ROBO1: variants seen among roughly 807,000 people sequenced by gnomAD.
ROBO1 encodes roundabout homolog 1.
In ROBO1, 149 loss-of-function variants were observed where a neutral mutation model predicts 195.9. The observed-to-expected ratio is 0.76, with a 90% CI of 0.67 to 0.87. The LOEUF is 0.87. Ranked by LOEUF, ROBO1 falls within the 40% of genes least tolerant of loss-of-function variation. The pLI is 0.00. For missense variants in ROBO1, 1,933 were observed against 2,068.3 expected, an observed-to-expected ratio of 0.93 and a Z score of 1.27; for synonymous variants, 816 against 733.2, an observed-to-expected ratio of 1.11 and a Z score of -1.82.
intron 28 of ROBO1, among the ~76,000 whole-genome samples, chr3:78,610,344 G>A (rs1175848332): frequency 6.6e-6 from 1 of 152,140 alleles, no homozygotes; most frequent in Non-Finnish European, 1.5e-5. Context: ...AAAAGAGAGA[G>A]TTAGAAAACA....
chr3:79,037,561 C>T (rs1021482750), intron 3 of ROBO1, among the ~76,000 whole-genome samples: 11 of 152,102 alleles, frequency 7.2e-5, no homozygotes, highest in African/African-American at 2.6e-4. Flanking sequence ...GCAGAATTTC[C>T]ATATATTACT....
intron 3 of ROBO1, among the ~76,000 whole-genome samples, chr3:79,025,606 T>G (rs1268375534): frequency 6.6e-6 from 1 of 150,426 alleles, no homozygotes; most frequent in Non-Finnish European, 1.5e-5. Flanking sequence ...GTTTATTTTC[T>G]CTAATATATA....
chr3:79,571,234 C>G (rs759772466), intron 2 of ROBO1, among the ~76,000 whole-genome samples: 38 of 152,056 alleles, frequency 2.5e-4, no homozygotes, highest in Non-Finnish European at 4.9e-4. Flanking sequence ...AAAAGTAATT[C>G]CAAGGTAAAA....
chr3:79,354,774 A>T (rs1440178133), intron 2 of ROBO1, among the ~76,000 whole-genome samples: 1 of 152,166 alleles, frequency 6.6e-6, no homozygotes. Flanking sequence ...AAATTTAATC[A>T]TGTTCCTCCT....
intron 20 of ROBO1, among the ~76,000 whole-genome samples, chr3:78,646,532 C>T (rs954833058): frequency 2.0e-5 from 3 of 150,590 alleles, no homozygotes; most frequent in Admixed American, 6.6e-5. Context: ...ATTAGCATTC[C>T]GATGGATTTC....
intron 2 of ROBO1, among the ~76,000 whole-genome samples, chr3:79,516,873 A>T (rs1340961458): frequency 6.6e-6 from 1 of 152,202 alleles, no homozygotes; most frequent in East Asian, 1.9e-4. Context: ...TGCATTTTTT[A>T]CAAGAAAGAA....
chr3:79,248,374 C>CAAA (rs10559171), intron 2 of ROBO1, among the ~76,000 whole-genome samples: 425 of 35,978 alleles, frequency 0.012, 6 homozygotes, highest in African/African-American at 0.015. Flanking sequence ...GAAGACAGAC[C>CAAA]AAAAAAAAAA....
At chr3:79,251,342 T>A (rs2108909510) in intron 2 of ROBO1, among the ~76,000 whole-genome samples, 1 of 152,304 alleles carries the variant, frequency 6.6e-6, no homozygotes, top group East Asian at 1.9e-4. Context: ...TTTGGAAATA[T>A]TTCCTAAATT....
chr3:79,416,507 C>G (rs1323941390), intron 2 of ROBO1, among the ~76,000 whole-genome samples: 1 of 149,100 alleles, frequency 6.7e-6, no homozygotes, highest in Non-Finnish European at 1.5e-5. Flanking sequence ...TCTAGGGAGG[C>G]TGATGTGGGA....
chr3:78,698,183 C>T (rs1481471523), intron 8 of ROBO1, among the ~76,000 whole-genome samples: 2 of 152,192 alleles, frequency 1.3e-5, no homozygotes, highest in South Asian at 2.1e-4. Context: ...GGAAGAAACA[C>T]ATTTTTATTC....
chr3:78,904,380 AT>A (rs1366588222), intron 4 of ROBO1, among the ~76,000 whole-genome samples: 6 of 152,108 alleles, frequency 3.9e-5, no homozygotes, highest in African/African-American at 1.2e-4. Flanking sequence ...CATTGTAATT[AT>A]TCATGACAGG....
chr3:78,726,060 T>C (rs2082154859), intron 5 of ROBO1, among the ~76,000 whole-genome samples: 1 of 152,126 alleles, frequency 6.6e-6, no homozygotes, highest in Admixed American at 6.5e-5. Flanking sequence ...TTAATTACAT[T>C]AACCTAATGT....
chr3:79,314,666 C>A (rs760395041), intron 2 of ROBO1, among the ~76,000 whole-genome samples: 2 of 152,198 alleles, frequency 1.3e-5, no homozygotes, highest in Non-Finnish European at 2.9e-5. Flanking sequence ...TCCACAAATA[C>A]TCACTGTGCA....
intron 4 of ROBO1, among the ~76,000 whole-genome samples, chr3:78,800,863 C>T (rs1453141205): frequency 2.0e-5 from 3 of 152,046 alleles, no homozygotes; most frequent in African/African-American, 7.2e-5. Flanking sequence ...CACACCTGGC[C>T]TAAATGAAAT....
intron 3 of ROBO1, among the ~76,000 whole-genome samples, chr3:79,035,743 G>A (rs72892031): frequency 7.5e-4 from 112 of 149,352 alleles, no homozygotes; most frequent in African/African-American, 2.7e-3. Flanking sequence ...AAAAAAAAAA[G>A]CATTAATAAG....
chr3:78,789,272 T>C lies in ROBO1; in HGVS notation c.500-42372A>G, dbSNP rs553344463. 2.8e-4 allele frequency among the ~76,000 whole-genome samples: 43 copies of C among 152,268 alleles called. No individual in the cohort carries two copies. In the South Asian group the frequency reaches 6.8e-3, roughly 24 times the overall value. ...AATAAGAGAAAGATTAAAGCTAAGA[T>C]ATTGATATTGATAATAGCATTCTCA... is the stretch of plus-strand genomic sequence containing the variant. On this transcript the variant is annotated intron_variant, in intron 4 of 30. Transcript: ENST00000464233.
At chr3:79,438,282 G>A (rs1391571004) in intron 2 of ROBO1, among the ~76,000 whole-genome samples, 2 of 151,772 alleles carry the variant, frequency 1.3e-5, no homozygotes. Flanking sequence ...TGATCTTGCA[G>A]GACTGTTGAT....
At chr3:78,615,627 T>C (rs905756974) in intron 27 of ROBO1, among the ~76,000 whole-genome samples, 1 of 152,242 alleles carries the variant, frequency 6.6e-6, no homozygotes, top group Admixed American at 6.5e-5. Flanking sequence ...ATATTGGTCC[T>C]ATGTTTGACT....
At chr3:78,668,332 A>T (rs758061142) in intron 12 of ROBO1, 30 bp from the exon 13 acceptor site, 2 of 1,611,408 alleles carry the variant, frequency 1.2e-6, no homozygotes, top group Non-Finnish European at 1.7e-6. Flanking sequence ...CCAAAATAAA[A>T]GATGTTTACA....
Sources: gnomAD v4.1 joint callset for allele counts (sites outside exome capture counted in the v4.1 genomes callset) on GRCh38, gnomAD v4.1.1 for gene constraint, MANE v1.5 for transcripts, NCBI Gene and HGNC (gene_info 2026-07-23, HGNC 2026-07-21) for gene names.